Variants in SNTG1 observed in about 807,000 individuals in gnomAD.
SNTG1 encodes the protein syntrophin gamma 1, also known as gamma-1-syntrophin.
In SNTG1, 39 loss-of-function variants were observed where a neutral mutation model predicts 74.7. That is an observed-to-expected ratio of 0.52 (90% CI 0.40 to 0.68). The LOEUF (loss-of-function observed/expected upper bound fraction) is 0.68, where lower values mean the gene tolerates loss of function less well. Ranked by LOEUF, SNTG1 falls within the 30% of genes least tolerant of loss-of-function variation. The pLI, the probability that SNTG1 is intolerant of heterozygous loss-of-function variation, is 0.00. For synonymous variants in SNTG1, 254 were observed against 217.1 expected, an observed-to-expected ratio of 1.17 and a Z score of -1.49; for missense variants, 685 against 609.5, an observed-to-expected ratio of 1.12 and a Z score of -1.30.
At chr8:49,949,326 A>G (rs1239699949) in intron 1 of SNTG1, among the ~76,000 whole-genome samples, 2 of 152,240 alleles carry the variant, frequency 1.3e-5, no homozygotes, top group Non-Finnish European at 2.9e-5. Flanking sequence ...ATTTTAAAAA[A>G]ATAATTTACA....
At chr8:50,278,841 T>A (rs116614158) in intron 2 of SNTG1, among the ~76,000 whole-genome samples, 71,585 of 151,416 alleles carry the variant, frequency 0.47, 19,294 homozygotes, top group East Asian at 0.83. Context: ...TAACTTAACT[T>A]AAAAAATTCA....
At chr8:50,468,642 A>G (rs2093628104) in intron 8 of SNTG1, among the ~76,000 whole-genome samples, 1 of 152,142 alleles carries the variant, frequency 6.6e-6, no homozygotes, top group African/African-American at 2.4e-5. Flanking sequence ...TATTGATGTA[A>G]CTGAATTAAT....
chr8:50,772,634 G>T (rs1294638014), intron 18 of SNTG1, among the ~76,000 whole-genome samples: 1 of 152,054 alleles, frequency 6.6e-6, no homozygotes, highest in African/African-American at 2.4e-5. Flanking sequence ...AAGAACATGA[G>T]TTTTATGGGG....
intron 2 of SNTG1, among the ~76,000 whole-genome samples, chr8:50,362,630 C>T (rs918943059): frequency 6.6e-6 from 1 of 151,776 alleles, no homozygotes; most frequent in African/African-American, 2.4e-5. Flanking sequence ...ATTAAGTAGT[C>T]ACTGTAAGGC....
At chr8:50,613,619 CAT>C (rs1230604928) in intron 13 of SNTG1, among the ~76,000 whole-genome samples, 11 of 152,196 alleles carry the variant, frequency 7.2e-5, no homozygotes, top group African/African-American at 1.7e-4. Context: ...TTTATAAAAA[CAT>C]ATGTTATTCA....
chr8:50,393,069 T>A (rs1250666248), intron 2 of SNTG1, among the ~76,000 whole-genome samples: 7 of 152,136 alleles, frequency 4.6e-5, no homozygotes, highest in African/African-American at 1.7e-4. Context: ...AATAAAATGT[T>A]TAAGAGCAAT....
intron 4 of SNTG1, among the ~76,000 whole-genome samples, chr8:50,421,028 A>C (rs1383302684): frequency 3.2e-5 from 4 of 126,602 alleles, no homozygotes; most frequent in Admixed American, 1.6e-4. Flanking sequence ...CACTTAAAAA[A>C]AAAAAAAAGG....
chr8:50,624,532 C>A (rs1231878450), intron 13 of SNTG1, among the ~76,000 whole-genome samples: 1 of 151,894 alleles, frequency 6.6e-6, no homozygotes, highest in Admixed American at 6.6e-5. Flanking sequence ...AGAATGAAGC[C>A]AATTCCAGCT....
At chr8:50,304,932 C>T (rs191254410) in intron 2 of SNTG1, among the ~76,000 whole-genome samples, 1 of 151,920 alleles carries the variant, frequency 6.6e-6, no homozygotes, top group East Asian at 1.9e-4. Context: ...TGGAGACTCA[C>T]TCTCTTTTTG....
At chr8:50,387,600 T>C (rs1445458762) in intron 2 of SNTG1, among the ~76,000 whole-genome samples, 1 of 152,160 alleles carries the variant, frequency 6.6e-6, no homozygotes, top group Non-Finnish European at 1.5e-5. Context: ...TGGGGCAATA[T>C]CAATCAATTT....
chr8:50,326,602 C>A, intron 2 of SNTG1, among the ~76,000 whole-genome samples: 1 of 151,300 alleles, frequency 6.6e-6, no homozygotes, highest in East Asian at 1.9e-4. Context: ...TCCTAGTTAG[C>A]CTAGCTACTG....
intron 15 of SNTG1, among the ~76,000 whole-genome samples, chr8:50,682,024 C>T (rs1208249618): frequency 1.3e-5 from 2 of 152,178 alleles, no homozygotes; most frequent in Non-Finnish European, 2.9e-5. Context: ...TATCTGGAAC[C>T]ACTGTTGTGA....
At chr8:50,681,919 G>GA (rs768898679) in intron 15 of SNTG1, among the ~76,000 whole-genome samples, 97 of 152,140 alleles carry the variant, frequency 6.4e-4, no homozygotes, top group Non-Finnish European at 1.2e-3. Context: ...CCTCAGTCAA[G>GA]AGATGTTCTG....
intron 1 of SNTG1, among the ~76,000 whole-genome samples, chr8:50,061,916 T>C (rs565832556): frequency 2.6e-5 from 4 of 152,336 alleles, no homozygotes; most frequent in Admixed American, 1.3e-4. Flanking sequence ...TCTATTTTTT[T>C]AAAATATGTA....
chr8:50,051,303 C>A (rs567728455), intron 1 of SNTG1, among the ~76,000 whole-genome samples: 13 of 148,984 alleles, frequency 8.7e-5, no homozygotes, highest in African/African-American at 3.2e-4. Flanking sequence ...AAATTAAAAA[C>A]GTAGCAAGAT....
intron 13 of SNTG1, among the ~76,000 whole-genome samples, chr8:50,596,324 T>C (rs1441007692): frequency 6.6e-6 from 1 of 152,104 alleles, no homozygotes; most frequent in African/African-American, 2.4e-5. Context: ...ATTCACTGTA[T>C]TTTAATGAGT....
chr8:50,434,406 G>A (rs1235838184), intron 4 of SNTG1, among the ~76,000 whole-genome samples: 5 of 152,162 alleles, frequency 3.3e-5, no homozygotes, highest in Non-Finnish European at 7.3e-5. Context: ...TAGATACTCA[G>A]TAATAGGATG....
intron 3 of SNTG1, 68 bp from the exon 4 acceptor site, chr8:50,402,142 G>C: frequency 6.7e-7 from 1 of 1,501,958 alleles, no homozygotes; most frequent in Non-Finnish European, 8.9e-7. Flanking sequence ...CTGTAAACTG[G>C]CCACAAAATT....
At chr8:50,266,978 C>A (rs1321306465) in intron 2 of SNTG1, among the ~76,000 whole-genome samples, 1 of 151,844 alleles carries the variant, frequency 6.6e-6, no homozygotes, top group East Asian at 1.9e-4. Flanking sequence ...CTGTAAAGAA[C>A]ATTTATATTT....
Sources: allele counts gnomAD v4.1 joint callset (sites outside exome capture counted in the v4.1 genomes callset), GRCh38; gene constraint gnomAD v4.1.1; transcripts MANE v1.5; gene names NCBI Gene and HGNC (gene_info 2026-07-23, HGNC 2026-07-21).